The following PDE4D variants were observed in gnomAD, a reference collection of about 807,000 sequenced individuals.
The protein encoded by PDE4D is phosphodiesterase 4D, also known as 3',5'-cyclic-AMP phosphodiesterase 4D.
PDE4D carries 24 observed loss-of-function variants against 87.4 expected under a neutral mutation model. That is an observed-to-expected ratio of 0.27 (90% CI 0.20 to 0.39). The LOEUF is 0.39. PDE4D is among the 10% of genes least tolerant of loss of function. PDE4D has a pLI of 1.00. For missense variants in PDE4D, 714 were observed against 1,041.0 expected, an observed-to-expected ratio of 0.69 and a Z score of 4.32; for synonymous variants, 384 against 383.2, an observed-to-expected ratio of 1.00 and a Z score of -0.02.
intron 2 of PDE4D, among the ~76,000 whole-genome samples, chr5:60,045,964 C>T (rs572704940): frequency 6.6e-6 from 1 of 152,272 alleles, no homozygotes; most frequent in South Asian, 2.1e-4. Context: ...GCAGTATGGC[C>T]ATTTTCACGA....
intron 2 of PDE4D, among the ~76,000 whole-genome samples, chr5:60,126,754 T>TA (rs1193889156): frequency 6.6e-6 from 1 of 152,104 alleles, no homozygotes; most frequent in Non-Finnish European, 1.5e-5. Context: ...GGTGGTAGGG[T>TA]AGGGCTTAAG....
At chr5:60,135,178 C>T (rs1286835387) in intron 2 of PDE4D, among the ~76,000 whole-genome samples, 1 of 152,170 alleles carries the variant, frequency 6.6e-6, no homozygotes, top group Non-Finnish European at 1.5e-5. Flanking sequence ...CCCTTCGCCC[C>T]TTTAACCATG....
At chr5:59,029,179 G>A (rs368729105) in intron 6 of PDE4D, among the ~76,000 whole-genome samples, 219 of 151,782 alleles carry the variant, frequency 1.4e-3, no homozygotes, top group African/African-American at 5.0e-3. Context: ...TTGGGAGGCC[G>A]AGGCGGGCAG....
At chr5:59,668,848 A>AGAGGAAGAG (rs1443934873) in intron 1 of PDE4D, among the ~76,000 whole-genome samples, 85 of 39,330 alleles carry the variant, frequency 2.2e-3, no homozygotes, top group Admixed American at 6.5e-3. Flanking sequence ...AGGAAGAGGA[A>AGAGGAAGAG]GAAGAAGAAG....
intron 1 of PDE4D, among the ~76,000 whole-genome samples, chr5:59,866,196 G>A (rs1036154587): frequency 6.6e-6 from 1 of 152,060 alleles, no homozygotes; most frequent in Non-Finnish European, 1.5e-5. Flanking sequence ...CTTAAAATTT[G>A]CAGCAGACAG....
intron 1 of PDE4D, among the ~76,000 whole-genome samples, chr5:59,538,291 G>T (rs1325321551): frequency 6.6e-6 from 1 of 152,180 alleles, no homozygotes; most frequent in Non-Finnish European, 1.5e-5. Flanking sequence ...GTATTTATGA[G>T]AATAAAGAGG....
chr5:59,247,690 TCTC>T (rs1173342732), intron 1 of PDE4D, among the ~76,000 whole-genome samples: 1 of 152,066 alleles, frequency 6.6e-6, no homozygotes, highest in Non-Finnish European at 1.5e-5. Context: ...TGCAACCTGT[TCTC>T]CTTTCCAGTG....
chr5:59,660,190 AAAATAAAT>A (rs201345419), intron 1 of PDE4D, among the ~76,000 whole-genome samples: 11 of 151,736 alleles, frequency 7.2e-5, no homozygotes, highest in Admixed American at 1.3e-4. Context: ...CTCTGTCGCC[AAAATAAAT>A]AAATAAATAA....
At chr5:59,038,777 C>T (rs554298795) in intron 6 of PDE4D, 82 bp downstream of exon 6, 2 of 1,277,138 alleles carry the variant, frequency 1.6e-6, no homozygotes, top group South Asian at 1.8e-5. Flanking sequence ...CAATTTATTT[C>T]CCGGGGCTAT....
intron 1 of PDE4D, among the ~76,000 whole-genome samples, chr5:59,580,704 T>G (rs939147881): frequency 1.3e-5 from 2 of 152,096 alleles, no homozygotes; most frequent in Admixed American, 1.3e-4. Context: ...AAATTGTTAT[T>G]ACCAATGTGC....
intron 3 of PDE4D, among the ~76,000 whole-genome samples, chr5:59,941,591 A>C (rs1456786537): frequency 6.6e-6 from 1 of 152,180 alleles, no homozygotes; most frequent in Non-Finnish European, 1.5e-5. Flanking sequence ...GAAGAGATTA[A>C]GAATATTTAT....
intron 1 of PDE4D, among the ~76,000 whole-genome samples, chr5:59,642,671 T>C (rs1359719821): frequency 6.6e-6 from 1 of 152,174 alleles, no homozygotes; most frequent in Non-Finnish European, 1.5e-5. Context: ...TAAATCCAAT[T>C]AAACCTCTTT....
chr5:60,126,664 T>C (rs1779148487), intron 2 of PDE4D, among the ~76,000 whole-genome samples: 1 of 152,198 alleles, frequency 6.6e-6, no homozygotes, highest in Admixed American at 6.6e-5. Context: ...AAATATGTCT[T>C]TCAAATGAAT....
At chr5:58,997,393 T>A (rs1749474733) in intron 6 of PDE4D, among the ~76,000 whole-genome samples, 1 of 152,082 alleles carries the variant, frequency 6.6e-6, no homozygotes, top group Non-Finnish European at 1.5e-5. Context: ...TATATAATAT[T>A]TACTAAGATA....
intron 1 of PDE4D, chr5:59,217,154 G>A (rs1266961666): frequency 4.4e-6 from 2 of 453,084 alleles, no homozygotes; most frequent in Non-Finnish European, 8.8e-6. Flanking sequence ...AACCTTTCTA[G>A]TGAAACATCA....
chr5:60,379,374 AAG>A (rs1346161067), intron 1 of PDE4D, among the ~76,000 whole-genome samples: 1 of 152,120 alleles, frequency 6.6e-6, no homozygotes, highest in East Asian at 1.9e-4. Flanking sequence ...TTTTAGCCGC[AAG>A]AGTTACTTTC....
At chr5:60,038,965 A>G (rs2152865988) in intron 2 of PDE4D, among the ~76,000 whole-genome samples, 1 of 150,990 alleles carries the variant, frequency 6.6e-6, no homozygotes, top group East Asian at 2.0e-4. Context: ...GTGGAGAAAT[A>G]GGAACACTTT....
intron 5 of PDE4D, among the ~76,000 whole-genome samples, chr5:59,147,333 G>A (rs570465635): frequency 2.4e-4 from 36 of 152,194 alleles, no homozygotes; most frequent in African/African-American, 7.9e-4. Context: ...GAGGGTAAAG[G>A]ACAAAGGCTA....
chr5:60,097,360 T>C (rs1775785368), intron 2 of PDE4D, among the ~76,000 whole-genome samples: 1 of 151,414 alleles, frequency 6.6e-6, no homozygotes, highest in Non-Finnish European at 1.5e-5. Flanking sequence ...GTTGGAGAAA[T>C]GCAGTATGAA....
Sources: allele counts gnomAD v4.1 joint callset (sites outside exome capture counted in the v4.1 genomes callset), GRCh38; gene constraint gnomAD v4.1.1; transcripts MANE v1.5; gene names NCBI Gene and HGNC (gene_info 2026-07-23, HGNC 2026-07-21).